The following TBC1D8 variants were observed in gnomAD, a reference collection of about 807,000 sequenced individuals.
The protein encoded by TBC1D8 is BUB2-like protein 1.
A neutral mutation model predicts 118.8 loss-of-function variants in TBC1D8; 65 were observed. The ratio of observed to expected loss-of-function variants is 0.55; its 90% CI spans 0.45 to 0.67. The LOEUF is 0.67. Among genes scored for constraint, TBC1D8 ranks in the 30% least tolerant of loss-of-function variants. TBC1D8 has a pLI of 0.00. For synonymous variants in TBC1D8, 566 were observed against 595.8 expected (o/e 0.95, Z 0.73); for missense variants, 1,376 against 1,471.2 (o/e 0.94, Z 1.06).
intron 2 of TBC1D8, among the ~76,000 whole-genome samples, chr2:101,076,135 C>T (rs1180283575): frequency 6.6e-6 from 1 of 152,062 alleles, no homozygotes; most frequent in Non-Finnish European, 1.5e-5. Context: ...GGCATTTTAC[C>T]CCATGTTTTC....
rs180685453 is a variant in TBC1D8, at chr2:101,038,485, G to A, written c.1251C>T (p.Tyr417=). The A allele has an allele frequency of 4.5e-4, 730 of 1,613,762 alleles. 4 individuals carry two copies. The African/African-American group carries it at 8.5e-3, about 19-fold the overall frequency. Residue 417 remains tyrosine (Y), a synonymous_variant, in exon 7 of 20, where the codon TAC becomes TAT. Coordinates refer to ENST00000409318, the MANE Select transcript of TBC1D8 (RefSeq NM_001330348.2). Reference sequence around the variant, plus strand: ...CCATGTCATCATCCGCAGAGGTGTCGTAGTGCACGGGGTGGTTGGCGTGGA... The same window carrying A: ...CCATGTCATCATCCGCAGAGGTGTCATAGTGCACGGGGTGGTTGGCGTGGA... ...KQVHANHPVH[Y]DTSADDDMAS...
At chr2:101,113,748 T>C (rs1201728862) in intron 1 of TBC1D8, among the ~76,000 whole-genome samples, 17 of 151,994 alleles carry the variant, frequency 1.1e-4, no homozygotes. Flanking sequence ...TGGAAATCAA[T>C]ATGAGAGGCA....
intron 5 of TBC1D8, among the ~76,000 whole-genome samples, chr2:101,049,853 G>A (rs1681945442): frequency 2.0e-5 from 3 of 151,284 alleles, no homozygotes; most frequent in Non-Finnish European, 4.4e-5. Context: ...TTGAGACGGA[G>A]TCTTGTTCTG....
At chr2:101,078,753 C>CAAAAAAAAAAAAA in intron 2 of TBC1D8, among the ~76,000 whole-genome samples, 1 of 108,118 alleles carries the variant, frequency 9.2e-6, no homozygotes. Flanking sequence ...CCTTTCTTAG[C>CAAAAAAAAAAAAA]AAAAAAAAAA....
intron 19 of TBC1D8, 28 bp from the exon 20 acceptor site, chr2:101,008,301 A>T (rs761708549): frequency 1.0e-5 from 15 of 1,485,844 alleles, no homozygotes; most frequent in Non-Finnish European, 1.3e-5. Context: ...CTTAGGTAGC[A>T]GCAGAACCAG....
chr2:101,032,963 A>G lies in TBC1D8; in HGVS notation c.1819-578T>C, dbSNP rs868459830. The G allele has an allele frequency of 1.5e-4, 29 of 189,198 alleles. 1 individual carries two copies. The highest frequency in any genetic ancestry group is 2.1e-4 in the Admixed American group (4 of 18,852). 11.7% of individuals were successfully genotyped at this position (189,198 alleles called of 1,614,324 possible). ...GCCCTGATCATCATCTTCCTCCCCA[A>G]ACAGCACTGCCATTTTAAATCCTGT... On this transcript the variant is annotated intron_variant, in intron 10 of 19. Transcript: ENST00000409318.
At chr2:101,026,206 T>G (rs1411890963) in intron 15 of TBC1D8, among the ~76,000 whole-genome samples, 3 of 152,200 alleles carry the variant, frequency 2.0e-5, no homozygotes. Flanking sequence ...TAAATCAAAG[T>G]CTTTTTAAGG....
intron 2 of TBC1D8, among the ~76,000 whole-genome samples, chr2:101,062,052 C>G (rs544036023): frequency 3.3e-5 from 5 of 152,186 alleles, no homozygotes; most frequent in African/African-American, 1.2e-4. Context: ...CTTAAGTCTC[C>G]CTGCCCTGTT....
At chr2:101,089,820 T>G (rs1297601060) in intron 2 of TBC1D8, among the ~76,000 whole-genome samples, 2 of 151,628 alleles carry the variant, frequency 1.3e-5, no homozygotes, top group African/African-American at 2.4e-5. Flanking sequence ...ATGGCTCGAT[T>G]CGTTATCGAC....
intron 1 of TBC1D8, among the ~76,000 whole-genome samples, chr2:101,107,287 G>A (rs151179584): frequency 5.1e-4 from 78 of 152,254 alleles, no homozygotes; most frequent in South Asian, 3.7e-3. Flanking sequence ...CAACTTGACT[G>A]GGCTAAGAGA....
At chr2:101,026,517 A>C (rs1007601050) in intron 15 of TBC1D8, among the ~76,000 whole-genome samples, 2 of 152,184 alleles carry the variant, frequency 1.3e-5, no homozygotes, top group African/African-American at 4.8e-5. Context: ...GGCCTGCTCC[A>C]TGGCTTCCAA....
chr2:101,105,376 T>G (rs1677134733), intron 1 of TBC1D8, among the ~76,000 whole-genome samples: 1 of 151,886 alleles, frequency 6.6e-6, no homozygotes, highest in African/African-American at 2.4e-5. Context: ...AAATAACATA[T>G]GAAGTGTTTT....
chr2:101,102,812 G>A (rs1676940307), intron 1 of TBC1D8, among the ~76,000 whole-genome samples: 1 of 152,034 alleles, frequency 6.6e-6, no homozygotes, highest in African/African-American at 2.4e-5. Context: ...GGAGGCCAAG[G>A]TGGGAAGACT....
At chr2:101,076,758 T>A (rs573702883) in intron 2 of TBC1D8, among the ~76,000 whole-genome samples, 10 of 152,360 alleles carry the variant, frequency 6.6e-5, no homozygotes, top group Admixed American at 5.9e-4. Context: ...TTATCTTGCC[T>A]TTAACCTTCA....
At chr2:101,070,773 A>G (rs2105436095) in intron 2 of TBC1D8, among the ~76,000 whole-genome samples, 1 of 152,346 alleles carries the variant, frequency 6.6e-6, no homozygotes, top group Middle Eastern at 3.4e-3. Flanking sequence ...TTCTAATTAC[A>G]TTAATTTCAA....
intron 1 of TBC1D8, among the ~76,000 whole-genome samples, chr2:101,109,091 A>C (rs571485409): frequency 6.6e-6 from 1 of 152,166 alleles, no homozygotes; most frequent in South Asian, 2.1e-4. Context: ...GAAGCGGGGG[A>C]GAGTGACCCC....
intron 1 of TBC1D8, among the ~76,000 whole-genome samples, chr2:101,123,329 C>G (rs1678210616): frequency 1.3e-5 from 2 of 152,166 alleles, no homozygotes; most frequent in Admixed American, 6.5e-5. Flanking sequence ...CCTTTTATTT[C>G]TTTCTCTTGC....
At chr2:101,097,912 A>G (rs1332170907) in intron 1 of TBC1D8, among the ~76,000 whole-genome samples, 2 of 152,200 alleles carry the variant, frequency 1.3e-5, no homozygotes, top group Non-Finnish European at 2.9e-5. Flanking sequence ...GAAACAGTAT[A>G]GTATTGTTTG....
intron 1 of TBC1D8, among the ~76,000 whole-genome samples, chr2:101,132,284 A>C (rs1421073078): frequency 6.6e-6 from 1 of 152,150 alleles, no homozygotes; most frequent in Non-Finnish European, 1.5e-5. Flanking sequence ...ATTTGAGGGG[A>C]AGCCTATTCC....
Sources: allele counts gnomAD v4.1 joint callset (sites outside exome capture counted in the v4.1 genomes callset), GRCh38; gene constraint gnomAD v4.1.1; transcripts MANE v1.5; gene names NCBI Gene and HGNC (gene_info 2026-07-23, HGNC 2026-07-21).